GOLM2: variants seen among roughly 807,000 people sequenced by gnomAD.
The protein encoded by GOLM2 is golgi membrane protein 2, also known as protein GOLM2.
In GOLM2, 26 loss-of-function variants were observed where a neutral mutation model predicts 55.9. The ratio of observed to expected loss-of-function variants is 0.47; its 90% CI spans 0.34 to 0.65. The LOEUF (loss-of-function observed/expected upper bound fraction) is 0.65. Among genes scored for constraint, GOLM2 ranks in the 30% least tolerant of loss-of-function variants. The pLI is 0.01. For missense variants in GOLM2, 486 were observed against 531.8 expected, an observed-to-expected ratio of 0.91 and a Z score of 0.85; for synonymous variants, 165 against 194.6, an observed-to-expected ratio of 0.85 and a Z score of 1.27.
intron 6 of GOLM2, among the ~76,000 whole-genome samples, chr15:44,371,094 C>T (rs536407330): frequency 2.0e-4 from 31 of 152,320 alleles, no homozygotes; most frequent in African/African-American, 7.5e-4. Context: ...TAGATTTCTG[C>T]TCTCCGTTTC....
chr15:44,381,095 A>T (rs1445609787), intron 8 of GOLM2, 119 bp downstream of exon 8: 1 of 556,794 alleles, frequency 1.8e-6, no homozygotes, highest in Non-Finnish European at 2.8e-6. Context: ...ATTTAAAGAG[A>T]AGGTATGAAA....
chr15:44,298,556 G>A (rs2078774648), intron 1 of GOLM2, among the ~76,000 whole-genome samples: 1 of 151,836 alleles, frequency 6.6e-6, no homozygotes, highest in Non-Finnish European at 1.5e-5. Context: ...GATTACAGGT[G>A]TGAGCCACTG....
At chr15:44,369,898 A>G (rs533109928) in intron 6 of GOLM2, among the ~76,000 whole-genome samples, 22 of 152,124 alleles carry the variant, frequency 1.4e-4, no homozygotes, top group Non-Finnish European at 1.8e-4. Flanking sequence ...AGGGGAGTTT[A>G]TTAAGTATTA....
chr15:44,387,653 T>C (rs1261334962), intron 8 of GOLM2, among the ~76,000 whole-genome samples: 2 of 151,940 alleles, frequency 1.3e-5, no homozygotes, highest in African/African-American at 4.8e-5. Flanking sequence ...TCCCAGCTAC[T>C]TGGGAGGCTG....
intron 6 of GOLM2, among the ~76,000 whole-genome samples, chr15:44,351,522 A>C (rs1025128669): frequency 7.0e-6 from 1 of 142,234 alleles, no homozygotes; most frequent in African/African-American, 2.6e-5. Context: ...GCTTGCAGTG[A>C]GCTGAGATTG....
intron 8 of GOLM2, among the ~76,000 whole-genome samples, chr15:44,393,983 G>A (rs899600454): frequency 2.0e-5 from 3 of 152,092 alleles, no homozygotes; most frequent in Non-Finnish European, 2.9e-5. Context: ...ATGAGCCACC[G>A]TGCCCGACCT....
chr15:44,336,340 A>G (rs868165163), intron 4 of GOLM2, among the ~76,000 whole-genome samples: 23 of 150,280 alleles, frequency 1.5e-4, no homozygotes, highest in Non-Finnish European at 2.5e-4. Flanking sequence ...GATGGTCTCT[A>G]TCTCCTGACC....
At chr15:44,376,053 A>G (rs2079362437) in intron 6 of GOLM2, among the ~76,000 whole-genome samples, 1 of 152,188 alleles carries the variant, frequency 6.6e-6, no homozygotes, top group Admixed American at 6.5e-5. Flanking sequence ...TCTGACCCAC[A>G]TGGAGAAACC....
chr15:44,374,900 G>T (rs998125041), intron 6 of GOLM2, among the ~76,000 whole-genome samples: 2 of 152,126 alleles, frequency 1.3e-5, no homozygotes, highest in African/African-American at 4.8e-5. Context: ...GCTATTAATG[G>T]TATTTTCTGA....
chr15:44,347,772 G>T (rs1011604386), intron 6 of GOLM2, among the ~76,000 whole-genome samples: 7 of 152,140 alleles, frequency 4.6e-5, no homozygotes, highest in African/African-American at 1.7e-4. Context: ...GTGCCAGCCA[G>T]TGCATCTTGC....
chr15:44,297,197 G>A (rs1323923991), intron 1 of GOLM2, among the ~76,000 whole-genome samples: 2 of 152,186 alleles, frequency 1.3e-5, no homozygotes, highest in Admixed American at 6.5e-5. Context: ...GCAGAATAGA[G>A]AACTTGGCAG....
At chr15:44,340,651 C>G (rs906129123) in intron 6 of GOLM2, among the ~76,000 whole-genome samples, 1 of 152,180 alleles carries the variant, frequency 6.6e-6, no homozygotes, top group African/African-American at 2.4e-5. Context: ...GGTCTCATTC[C>G]AGACCTACTT....
At chr15:44,346,147 C>T (rs1595638741) in intron 6 of GOLM2, 1 of 152,016 alleles carries the variant, frequency 6.6e-6, no homozygotes, top group African/African-American at 2.4e-5. Flanking sequence ...AGGTGATCCA[C>T]CCGCCTCGGC....
At chr15:44,337,944 G>A in intron 5 of GOLM2, 37 bp downstream of exon 5, 2 of 1,536,302 alleles carry the variant, frequency 1.3e-6, no homozygotes, top group South Asian at 2.5e-5. Flanking sequence ...TGTATTAATA[G>A]GATATTGACT....
chr15:44,291,583 C>T (rs1048428750), intron 1 of GOLM2, among the ~76,000 whole-genome samples: 2 of 152,140 alleles, frequency 1.3e-5, no homozygotes, highest in African/African-American at 4.8e-5. Flanking sequence ...TATTTTTATT[C>T]TTACTGTATT....
rs1022371247 is a variant in GOLM2 at position 44,343,794 on chromosome 15, A to T, written c.802+5477A>T. Among the ~76,000 whole-genome samples the T allele has an allele frequency of 6.0e-5, 9 of 151,042 alleles. No homozygotes were observed. In the East Asian group the frequency reaches 1.6e-3, roughly 26 times the overall value. ...AACTGAGATCGCGCCACTACACTCC[A>T]GCCTGAACAACAGAGTGAGACTCTG... On this transcript the variant is annotated intron_variant, in intron 6 of 9. Transcript: ENST00000299957.
intron 6 of GOLM2, among the ~76,000 whole-genome samples, chr15:44,346,643 A>G (rs2079126423): frequency 6.6e-6 from 1 of 152,236 alleles, no homozygotes; most frequent in Non-Finnish European, 1.5e-5. Context: ...CCAATGCAGA[A>G]CATTTTCATT....
chr15:44,333,255 A>G (rs977618197), intron 4 of GOLM2, among the ~76,000 whole-genome samples: 1 of 152,124 alleles, frequency 6.6e-6, no homozygotes, highest in African/African-American at 2.4e-5. Flanking sequence ...ATACCTTGTA[A>G]TCTTACCTAA....
At chr15:44,384,322 G>A (rs2079426329) in intron 8 of GOLM2, among the ~76,000 whole-genome samples, 1 of 152,064 alleles carries the variant, frequency 6.6e-6, no homozygotes, top group Non-Finnish European at 1.5e-5. Flanking sequence ...CATATAAAAG[G>A]AATCATACGG....
Sources: gnomAD v4.1 joint callset for allele counts (sites outside exome capture counted in the v4.1 genomes callset) on GRCh38, gnomAD v4.1.1 for gene constraint, MANE v1.5 for transcripts, NCBI Gene and HGNC (gene_info 2026-07-23, HGNC 2026-07-21) for gene names.